SORCS3: variants seen among roughly 807,000 people sequenced by gnomAD.
SORCS3 encodes VPS10 domain-containing receptor SorCS3.
Under a neutral mutation model 146.3 loss-of-function variants are expected in SORCS3, and 57 were observed. The observed-to-expected ratio is 0.39, with a 90% CI of 0.31 to 0.49. SORCS3 has a LOEUF of 0.49. Among genes scored for constraint, SORCS3 ranks in the 20% least tolerant of loss-of-function variants. The pLI is 0.92. For synonymous variants in SORCS3, 653 were observed against 618.5 expected, an observed-to-expected ratio of 1.06 and a Z score of -0.83; for missense variants, 1,341 against 1,575.5, an observed-to-expected ratio of 0.85 and a Z score of 2.52.
At chr10:105,002,077 CA>C (rs945724336) in intron 4 of SORCS3, among the ~76,000 whole-genome samples, 9 of 152,124 alleles carry the variant, frequency 5.9e-5, no homozygotes, top group African/African-American at 2.2e-4. Context: ...CAATAGGTTT[CA>C]AATTATCTTT....
At chr10:104,660,405 G>A (rs1230648421) in intron 1 of SORCS3, among the ~76,000 whole-genome samples, 3 of 152,156 alleles carry the variant, frequency 2.0e-5, no homozygotes, top group African/African-American at 7.2e-5. Flanking sequence ...AGGTAGTGGA[G>A]GAACTTCTAG....
At chr10:104,784,450 C>T (rs917308027) in intron 1 of SORCS3, among the ~76,000 whole-genome samples, 1 of 152,238 alleles carries the variant, frequency 6.6e-6, no homozygotes, top group African/African-American at 2.4e-5. Context: ...TGTTTTCAAA[C>T]ATCCCTTGAG....
intron 6 of SORCS3, among the ~76,000 whole-genome samples, chr10:105,104,599 G>C (rs1480635856): frequency 6.6e-6 from 1 of 152,156 alleles, no homozygotes; most frequent in Admixed American, 6.5e-5. Flanking sequence ...ATGCATTCTT[G>C]TTGTAAAAAT....
intron 5 of SORCS3, among the ~76,000 whole-genome samples, chr10:105,052,751 G>A (rs2055421801): frequency 6.6e-6 from 1 of 152,118 alleles, no homozygotes; most frequent in African/African-American, 2.4e-5. Context: ...GAGAGAAGAG[G>A]TCAATGTTGA....
intron 1 of SORCS3, among the ~76,000 whole-genome samples, chr10:104,736,304 G>A (rs2016771957): frequency 6.6e-6 from 1 of 152,128 alleles, no homozygotes; most frequent in Non-Finnish European, 1.5e-5. Flanking sequence ...GGGTTGAGGG[G>A]GGCAGGACTG....
chr10:105,231,780 T>A (rs1176201117), intron 20 of SORCS3, among the ~76,000 whole-genome samples: 3 of 152,184 alleles, frequency 2.0e-5, no homozygotes, highest in Admixed American at 2.0e-4. Flanking sequence ...CATGTTCTTT[T>A]TTCTTTAGTC....
intron 8 of SORCS3, among the ~76,000 whole-genome samples, chr10:105,144,231 C>T (rs1455814230): frequency 6.6e-6 from 1 of 152,114 alleles, no homozygotes; most frequent in Non-Finnish European, 1.5e-5. Flanking sequence ...CTGTTCCATC[C>T]TCATTGTCAC....
chr10:104,840,458 A>G (rs1409106647), intron 1 of SORCS3, among the ~76,000 whole-genome samples: 2 of 152,168 alleles, frequency 1.3e-5, no homozygotes, highest in Non-Finnish European at 2.9e-5. Context: ...AGCACCTATC[A>G]GTCTATATAG....
At chr10:105,044,225 T>A (rs1275502177) in intron 5 of SORCS3, among the ~76,000 whole-genome samples, 1 of 151,962 alleles carries the variant, frequency 6.6e-6, no homozygotes, top group Non-Finnish European at 1.5e-5. Context: ...AAAAATGAGC[T>A]GGCCATCAGT....
intron 2 of SORCS3, among the ~76,000 whole-genome samples, chr10:104,910,392 G>T (rs2018954490): frequency 6.6e-6 from 1 of 152,152 alleles, no homozygotes; most frequent in Admixed American, 6.5e-5. Flanking sequence ...GCATAAGAAT[G>T]TTTGTTGTAA....
intron 2 of SORCS3, among the ~76,000 whole-genome samples, chr10:104,857,520 A>G (rs903188678): frequency 1.3e-5 from 2 of 152,154 alleles, no homozygotes; most frequent in Admixed American, 1.3e-4. Context: ...TTGTGTGCTT[A>G]TTCATCTGCC....
intron 1 of SORCS3, among the ~76,000 whole-genome samples, chr10:104,782,210 T>A (rs2017381796): frequency 6.6e-6 from 1 of 152,246 alleles, no homozygotes; most frequent in African/African-American, 2.4e-5. Context: ...GGCACTGTCA[T>A]AAATCTACCT....
At chr10:104,817,495 C>T (rs1421670780) in intron 1 of SORCS3, among the ~76,000 whole-genome samples, 3 of 83,482 alleles carry the variant, frequency 3.6e-5, no homozygotes, top group Non-Finnish European at 5.0e-5. Context: ...TCCCTCCTCT[C>T]GCTTCTCCCT....
At chr10:105,044,407 C>CA (rs1022556078) in intron 5 of SORCS3, among the ~76,000 whole-genome samples, 6 of 151,088 alleles carry the variant, frequency 4.0e-5, no homozygotes, top group East Asian at 1.9e-4. Flanking sequence ...GACTCTGTCT[C>CA]AAAAAAAAAT....
At chr10:105,217,202 G>A (rs1051486444) in intron 19 of SORCS3, 80 bp downstream of exon 19, 2 of 1,446,502 alleles carry the variant, frequency 1.4e-6, no homozygotes, top group Non-Finnish European at 1.9e-6. Context: ...AAAATTCAGA[G>A]CTGAGCCCAG....
chr10:104,683,007 A>G (rs1294852982), intron 1 of SORCS3, among the ~76,000 whole-genome samples: 1 of 152,032 alleles, frequency 6.6e-6, no homozygotes, highest in African/African-American at 2.4e-5. Context: ...TTTAGCCAGT[A>G]CTCTGGGATC....
At chr10:104,792,430 C>T (rs1045385351) in intron 1 of SORCS3, among the ~76,000 whole-genome samples, 11 of 152,164 alleles carry the variant, frequency 7.2e-5, no homozygotes, top group African/African-American at 1.4e-4. Flanking sequence ...TCTTTGAGGC[C>T]GTATCCCATT....
At chr10:104,975,176 A>C (rs2054887774) in intron 3 of SORCS3, among the ~76,000 whole-genome samples, 1 of 152,200 alleles carries the variant, frequency 6.6e-6, no homozygotes, top group Non-Finnish European at 1.5e-5. Flanking sequence ...GTCTCAGCCC[A>C]AAATCTCCTT....
intron 2 of SORCS3, among the ~76,000 whole-genome samples, chr10:104,909,381 C>T (rs748962838): frequency 6.6e-6 from 1 of 152,052 alleles, no homozygotes; most frequent in Non-Finnish European, 1.5e-5. Flanking sequence ...CATGGCAACG[C>T]AGAAGTTGCT....
Sources: gnomAD v4.1 joint callset for allele counts (sites outside exome capture counted in the v4.1 genomes callset) on GRCh38, gnomAD v4.1.1 for gene constraint, MANE v1.5 for transcripts, NCBI Gene and HGNC (gene_info 2026-07-23, HGNC 2026-07-21) for gene names.